DPP10: variants seen among roughly 807,000 people sequenced by gnomAD.
The protein encoded by DPP10 is inactive dipeptidyl peptidase 10.
A neutral mutation model predicts 120.9 loss-of-function variants in DPP10; 33 were observed. The ratio of observed to expected loss-of-function variants is 0.27; its 90% confidence interval spans 0.21 to 0.37. The LOEUF (loss-of-function observed/expected upper bound fraction) is 0.37, where lower values mean the gene tolerates loss of function less well. Ranked by LOEUF, DPP10 falls within the 10% of genes least tolerant of loss-of-function variation. DPP10 has a pLI of 1.00. For missense variants in DPP10, 816 were observed against 942.8 expected, an observed-to-expected ratio of 0.87 and a Z score of 1.76; for synonymous variants, 337 against 326.1, an observed-to-expected ratio of 1.03 and a Z score of -0.36.
intron 17 of DPP10, among the ~76,000 whole-genome samples, chr2:115,783,185 CT>C (rs201233095): frequency 0.035 from 5,249 of 151,984 alleles, 301 homozygotes; most frequent in African/African-American, 0.12. Flanking sequence ...CTCACTTGAA[CT>C]TTGGAATACC....
intron 24 of DPP10, 33 bp downstream of exon 24, chr2:115,836,779 G>T: frequency 6.3e-7 from 1 of 1,588,690 alleles, no homozygotes; most frequent in South Asian, 1.1e-5. Flanking sequence ...CTGTTTGATA[G>T]GGTATGACCT....
intron 5 of DPP10, among the ~76,000 whole-genome samples, chr2:115,529,074 A>G (rs1289521399): frequency 1.3e-5 from 2 of 152,170 alleles, no homozygotes; most frequent in African/African-American, 2.4e-5. Flanking sequence ...ATTATTTATT[A>G]TAATGGCATG....
At chr2:115,521,049 G>T (rs1052001443) in intron 4 of DPP10, among the ~76,000 whole-genome samples, 2 of 152,128 alleles carry the variant, frequency 1.3e-5, no homozygotes, top group African/African-American at 2.4e-5. Context: ...AAGAAGGACA[G>T]GGAAGGCTTA....
chr2:115,142,402 A>G (rs1005808306), intron 1 of DPP10, among the ~76,000 whole-genome samples: 2 of 152,182 alleles, frequency 1.3e-5, no homozygotes, highest in Non-Finnish European at 2.9e-5. Flanking sequence ...GGCTGGGAAG[A>G]AAGCAATGTG....
At chr2:115,767,480 T>TGTGTGTGTATATATATATACACATA (rs1575723150) in intron 12 of DPP10, among the ~76,000 whole-genome samples, 1 of 144,654 alleles carries the variant, frequency 6.9e-6, no homozygotes, top group Non-Finnish European at 1.6e-5. Flanking sequence ...TATATGTGTG[T>TGTGTGTGTATATATATATACACATA]GTGTGTGTGT....
chr2:114,762,296 T>C (rs2106107051), intron 1 of DPP10, among the ~76,000 whole-genome samples: 1 of 152,350 alleles, frequency 6.6e-6, no homozygotes, highest in Middle Eastern at 3.4e-3. Context: ...CTGCTTACTC[T>C]AATTGCTATG....
chr2:114,470,505 G>A (rs1294768138), intron 1 of DPP10, among the ~76,000 whole-genome samples: 2 of 152,182 alleles, frequency 1.3e-5, no homozygotes, highest in African/African-American at 4.8e-5. Flanking sequence ...GACAGGCTAA[G>A]CCTTACTAAA....
chr2:114,781,053 G>A (rs976195218), intron 1 of DPP10, among the ~76,000 whole-genome samples: 1 of 152,040 alleles, frequency 6.6e-6, no homozygotes, highest in Non-Finnish European at 1.5e-5. Flanking sequence ...CTCTCTTTTT[G>A]TACAGCTCTT....
chr2:115,837,678 G>A (rs1689671010), intron 24 of DPP10, among the ~76,000 whole-genome samples: 1 of 152,084 alleles, frequency 6.6e-6, no homozygotes, highest in Non-Finnish European at 1.5e-5. Context: ...GTTATTAAAT[G>A]CCCTTGATAT....
Position 114,953,461 on chromosome 2 carries a change from C to T in DPP10, c.61-355778C>T, listed in dbSNP as rs370753296. 1.3e-3 allele frequency among the ~76,000 whole-genome samples: 205 copies of T among 152,084 alleles called. 1 individual carries two copies. In the South Asian group the frequency reaches 0.027, roughly 20 times the overall value. The stretch of plus-strand genomic sequence containing the variant: ...GTCTGAGGACTATGGAATAGTTTTT[C>T]TTGCTCTCACATGTGTATGTGTGTG... On this transcript the variant is annotated intron_variant, in intron 1 of 25. Coordinates refer to ENST00000410059, the MANE Select transcript of DPP10 (RefSeq NM_020868.6).
At chr2:114,952,855 T>A (rs1025839376) in intron 1 of DPP10, among the ~76,000 whole-genome samples, 1 of 152,132 alleles carries the variant, frequency 6.6e-6, no homozygotes, top group Non-Finnish European at 1.5e-5. Flanking sequence ...GCCACAGCCA[T>A]GTGAGGAGGA....
chr2:114,896,835 C>T (rs1693048768), intron 1 of DPP10, among the ~76,000 whole-genome samples: 1 of 152,082 alleles, frequency 6.6e-6, no homozygotes, highest in Non-Finnish European at 1.5e-5. Flanking sequence ...AGAATGCTTC[C>T]AGTTTTTGCC....
At chr2:114,987,113 G>T (rs1700452791) in intron 1 of DPP10, among the ~76,000 whole-genome samples, 1 of 152,104 alleles carries the variant, frequency 6.6e-6, no homozygotes, top group East Asian at 1.9e-4. Context: ...TTCCATTAGA[G>T]TTTTGAAAAG....
intron 2 of DPP10, among the ~76,000 whole-genome samples, chr2:115,330,970 T>C (rs947102097): frequency 1.3e-5 from 2 of 152,184 alleles, no homozygotes; most frequent in African/African-American, 4.8e-5. Context: ...AAGAAAGTCA[T>C]TGGTAACTTG....
chr2:114,893,881 A>G (rs1490592042), intron 1 of DPP10, among the ~76,000 whole-genome samples: 2 of 152,160 alleles, frequency 1.3e-5, no homozygotes, highest in Non-Finnish European at 2.9e-5. Context: ...TGCTCTGTGC[A>G]ACTTCGCTAG....
intron 3 of DPP10, among the ~76,000 whole-genome samples, chr2:115,420,248 G>A (rs563758008): frequency 1.3e-5 from 2 of 152,182 alleles, no homozygotes; most frequent in African/African-American, 4.8e-5. Context: ...ACAGACCTTT[G>A]GACAAAGGAT....
chr2:114,952,656 CTGGTGTCTGTCT>C (rs1374383390), intron 1 of DPP10, among the ~76,000 whole-genome samples: 1 of 152,156 alleles, frequency 6.6e-6, no homozygotes, highest in African/African-American at 2.4e-5. Context: ...TTAAGAGCTC[CTGGTGTCTGTCT>C]GTGTATAGAC....
intron 1 of DPP10, among the ~76,000 whole-genome samples, chr2:114,700,585 C>A (rs1559016516): frequency 6.6e-6 from 1 of 152,088 alleles, no homozygotes; most frequent in African/African-American, 2.4e-5. Flanking sequence ...ACAACTCAAA[C>A]CTTTTCCTTT....
intron 1 of DPP10, among the ~76,000 whole-genome samples, chr2:114,933,542 T>G (rs961968334): frequency 1.3e-5 from 2 of 152,180 alleles, no homozygotes; most frequent in African/African-American, 4.8e-5. Flanking sequence ...GGGCTTAACA[T>G]TCACTACTGG....
Sources: allele counts gnomAD v4.1 joint callset (sites outside exome capture counted in the v4.1 genomes callset), GRCh38; gene constraint gnomAD v4.1.1; transcripts MANE v1.5; gene names NCBI Gene and HGNC (gene_info 2026-07-23, HGNC 2026-07-21).